The following TINAG variants were observed in gnomAD, a reference collection of about 807,000 sequenced individuals.
TINAG encodes tubulointerstitial nephritis antigen.
In TINAG, 83 loss-of-function variants were observed where a neutral mutation model predicts 72.7. The observed-to-expected ratio is 1.14, with a 90% CI of 0.96 to 1.37. The LOEUF (loss-of-function observed/expected upper bound fraction) is 1.37, where lower values mean the gene tolerates loss of function less well. Ranked by LOEUF, TINAG falls within the 40% of genes most tolerant of loss-of-function variation. The pLI, the probability that TINAG is intolerant of heterozygous loss-of-function variation, is 0.00. For synonymous variants in TINAG, 234 were observed against 189.9 expected (o/e 1.23, Z -1.91); for missense variants, 685 against 576.6 (o/e 1.19, Z -1.93).
At chr6:54,351,486 T>A in intron 8 of TINAG, 89 bp downstream of exon 8, 1 of 1,287,594 alleles carries the variant, frequency 7.8e-7, no homozygotes. Context: ...TTTAATAAAA[T>A]AAAGAAAATT....
chr6:54,384,195 G>A (rs1764029882), intron 10 of TINAG, among the ~76,000 whole-genome samples: 1 of 152,100 alleles, frequency 6.6e-6, no homozygotes, highest in African/African-American at 2.4e-5. Context: ...ACACACTGGG[G>A]CCTGTTCACG....
intron 9 of TINAG, among the ~76,000 whole-genome samples, chr6:54,365,031 A>G (rs1034557238): frequency 6.6e-6 from 1 of 151,516 alleles, no homozygotes; most frequent in Non-Finnish European, 1.5e-5. Context: ...TTGAAAAACA[A>G]CTGAATGCTA....
chr6:54,359,817 T>G (rs1432883539), intron 9 of TINAG, among the ~76,000 whole-genome samples: 1 of 151,862 alleles, frequency 6.6e-6, no homozygotes, highest in Non-Finnish European at 1.5e-5. Context: ...TAGGATTTCC[T>G]GATTTGGTAA....
chr6:54,322,329 C>CA (rs1430389116), intron 3 of TINAG, among the ~76,000 whole-genome samples: 2 of 144,736 alleles, frequency 1.4e-5, no homozygotes, highest in African/African-American at 2.7e-5. Flanking sequence ...ACAAAACAAA[C>CA]AAACAAAAAA....
At chr6:54,339,184 A>G (rs1257335512) in intron 4 of TINAG, among the ~76,000 whole-genome samples, 1 of 152,208 alleles carries the variant, frequency 6.6e-6, no homozygotes, top group Non-Finnish European at 1.5e-5. Flanking sequence ...GATTAGGCTC[A>G]GCTGAAAGTG....
At chr6:54,323,463 A>G (rs1191506214) in intron 3 of TINAG, among the ~76,000 whole-genome samples, 1 of 152,214 alleles carries the variant, frequency 6.6e-6, no homozygotes, top group Non-Finnish European at 1.5e-5. Flanking sequence ...AGTGCTTTTT[A>G]AAATAGCCTA....
At chr6:54,382,676 G>A (rs1267889947) in intron 10 of TINAG, among the ~76,000 whole-genome samples, 1 of 151,994 alleles carries the variant, frequency 6.6e-6, no homozygotes, top group African/African-American at 2.4e-5. Flanking sequence ...TAAATAGATC[G>A]ACAACCAGAG....
intron 10 of TINAG, among the ~76,000 whole-genome samples, chr6:54,386,761 A>G (rs1003066589): frequency 6.6e-6 from 1 of 152,138 alleles, no homozygotes; most frequent in African/African-American, 2.4e-5. Flanking sequence ...CACTAAATAC[A>G]GACAAAAACA....
chr6:54,359,513 T>G (rs1763159142), intron 9 of TINAG, among the ~76,000 whole-genome samples: 1 of 151,822 alleles, frequency 6.6e-6, no homozygotes, highest in South Asian at 2.1e-4. Flanking sequence ...TTTCTCTAAT[T>G]CTATATTCAT....
At chr6:54,377,416 G>T (rs1303093055) in intron 9 of TINAG, among the ~76,000 whole-genome samples, 1 of 152,116 alleles carries the variant, frequency 6.6e-6, no homozygotes. Context: ...GGAAGCTGAG[G>T]CAGGAGAATC....
rs199741429 is a variant in TINAG at position 54,347,489 on chromosome 6, A to G, written c.871A>G (p.Arg291Gly). The G allele has an allele frequency of 2.7e-4, 428 of 1,613,100 alleles. No individual in the cohort carries two copies. The highest frequency in any genetic ancestry group is 3.3e-4 in the Non-Finnish European group (390 of 1,179,426). Residue 291 changes from arginine (R) to glycine (G), a missense_variant, in exon 6 of 11, where the codon AGG becomes GGG. Coordinates refer to ENST00000259782, the MANE Select transcript of TINAG (RefSeq NM_014464.4). ...RHGCNSGSIDRAWWYLRKRGL... is the reference protein window; with the variant it reads ...RHGCNSGSIDGAWWYLRKRGL... ...TGGATGCAATAGTGGAAGCATCGAT[A>G]GGGCTTGGTGGTACCTGAGAAAACG...
chr6:54,373,188 C>A (rs1434321682), intron 9 of TINAG, among the ~76,000 whole-genome samples: 1 of 142,142 alleles, frequency 7.0e-6, no homozygotes, highest in Non-Finnish European at 1.6e-5. Context: ...GTTTCCCCTA[C>A]CTCCAACCCC....
At chr6:54,321,844 C>G (rs570685580) in intron 3 of TINAG, among the ~76,000 whole-genome samples, 18 of 152,282 alleles carry the variant, frequency 1.2e-4, no homozygotes, top group Admixed American at 1.0e-3. Flanking sequence ...TGATGGGTAT[C>G]TAACCAATGT....
At chr6:54,320,907 C>G (rs6915942) in intron 2 of TINAG, among the ~76,000 whole-genome samples, 1,923 of 152,164 alleles carry the variant, frequency 0.013, 27 homozygotes, top group African/African-American at 0.042. Flanking sequence ...ATTAAATGTA[C>G]CTCTTAATTA....
intron 3 of TINAG, among the ~76,000 whole-genome samples, chr6:54,325,499 C>G (rs909373215): frequency 2.0e-5 from 3 of 152,194 alleles, no homozygotes; most frequent in Admixed American, 6.5e-5. Context: ...ATCTAGTACA[C>G]ACACACGTGC....
At chr6:54,359,730 T>A (rs920126590) in intron 9 of TINAG, among the ~76,000 whole-genome samples, 5 of 151,968 alleles carry the variant, frequency 3.3e-5, no homozygotes, top group South Asian at 4.1e-4. Flanking sequence ...TATACTTTTT[T>A]AATTTTACAA....
In TINAG at chr6:54,308,889, G is replaced by T. The variant is rs1374440698; in HGVS notation, c.339G>T (p.Gln113His). ...REEKEWPPHTQPWYPEGCFKD... is the reference protein window; with the variant it reads ...REEKEWPPHTHPWYPEGCFKD... The stretch of plus-strand genomic sequence containing the variant: ...AGAAAGAATGGCCTCCTCACACACA[G>T]CCTTGGTATCCAGAAGGTAGGCTTT... The change falls in exon 1 of 11, where the codon CAG becomes CAT. Residue 113 changes from glutamine (Q) to histidine (H), a missense_variant. Coordinates refer to ENST00000259782, the MANE Select transcript of TINAG (RefSeq NM_014464.4). The T allele has an allele frequency of 1.9e-6, 3 of 1,609,320 alleles. No homozygotes were observed. The highest frequency in any genetic ancestry group is 2.5e-6 in the Non-Finnish European group (3 of 1,177,630).
intron 4 of TINAG, among the ~76,000 whole-genome samples, chr6:54,334,082 A>G (rs1429733268): frequency 1.3e-5 from 2 of 152,150 alleles, no homozygotes; most frequent in African/African-American, 4.8e-5. Flanking sequence ...AGAAGTTTCT[A>G]CCTCTCTTGT....
intron 10 of TINAG, among the ~76,000 whole-genome samples, chr6:54,381,112 A>G (rs924676031): frequency 2.0e-5 from 3 of 149,702 alleles, no homozygotes; most frequent in African/African-American, 4.9e-5. Context: ...ATATATGTAT[A>G]TGTAACCTAC....
Sources: gnomAD v4.1 joint callset for allele counts (sites outside exome capture counted in the v4.1 genomes callset) on GRCh38, gnomAD v4.1.1 for gene constraint, MANE v1.5 for transcripts, NCBI Gene and HGNC (gene_info 2026-07-23, HGNC 2026-07-21) for gene names.